NPHP1: variants seen among roughly 807,000 people sequenced by gnomAD.
The protein encoded by NPHP1 is nephrocystin 1.
Under a neutral mutation model 90.4 loss-of-function variants are expected in NPHP1, and 70 were observed. The ratio of observed to expected loss-of-function variants is 0.77; its 90% confidence interval spans 0.64 to 0.95. The LOEUF (loss-of-function observed/expected upper bound fraction) is 0.95, where lower values mean the gene tolerates loss of function less well. NPHP1 is among the 40% of genes least tolerant of loss of function. The pLI, the probability that NPHP1 is intolerant of heterozygous loss-of-function variation, is 0.00. For synonymous variants in NPHP1, 256 were observed against 271.7 expected, an observed-to-expected ratio of 0.94 and a Z score of 0.57; for missense variants, 764 against 795.9, an observed-to-expected ratio of 0.96 and a Z score of 0.48.
chr2:110,126,220 T>C (rs148791805), intron 18 of NPHP1: 2 of 163,540 alleles, frequency 1.2e-5, no homozygotes, highest in East Asian at 1.7e-4. Flanking sequence ...GAAGTATGAA[T>C]TTAAGACTTT....
At chr2:110,190,306 G>A (rs1029906876) in intron 2 of NPHP1, among the ~76,000 whole-genome samples, 2 of 152,160 alleles carry the variant, frequency 1.3e-5, no homozygotes, top group South Asian at 2.1e-4. Flanking sequence ...AGGGAGGCTC[G>A]GGCCGCACAG....
At chr2:110,164,786 TA>T in intron 7 of NPHP1, 56 bp from the exon 8 acceptor site, 3 of 1,409,064 alleles carry the variant, frequency 2.1e-6, no homozygotes, top group Non-Finnish European at 2.0e-6. Context: ...TTCACTCAAT[TA>T]GGGAACTTCT....
At chr2:110,181,873 A>G (rs535905455) in intron 2 of NPHP1, among the ~76,000 whole-genome samples, 3 of 152,318 alleles carry the variant, frequency 2.0e-5, no homozygotes, top group African/African-American at 7.2e-5. Flanking sequence ...AACCCACTGC[A>G]AAGAAGCTAA....
rs537060659 is a variant in NPHP1 at position 110,157,854 on chromosome 2, G to A, written c.1083+2273C>T. Reference sequence around the variant, plus strand: ...TAACTCATTTAATTTCACATTGACCGTTATCAGCTCAAGCAGCACTGTCTT... The same window carrying A: ...TAACTCATTTAATTTCACATTGACCATTATCAGCTCAAGCAGCACTGTCTT... On this transcript the variant is annotated intron_variant, in intron 11 of 19. Transcript: ENST00000445609. 4.6e-5 allele frequency among the ~76,000 whole-genome samples: 7 copies of A among 152,218 alleles called. No homozygotes were observed. In the East Asian group the frequency reaches 5.8e-4, roughly 13 times the overall value.
intron 11 of NPHP1, among the ~76,000 whole-genome samples, chr2:110,154,401 G>A (rs997153921): frequency 6.6e-6 from 1 of 152,158 alleles, no homozygotes; most frequent in African/African-American, 2.4e-5. Flanking sequence ...GGAGTAGGGT[G>A]TTGCTGAAAA....
At chr2:110,136,401 C>A (rs1207865632) in intron 16 of NPHP1, among the ~76,000 whole-genome samples, 1 of 152,156 alleles carries the variant, frequency 6.6e-6, no homozygotes, top group Admixed American at 6.5e-5. Flanking sequence ...TTGCAGATGA[C>A]ATGATTGTAT....
At chr2:110,194,109 A>G (rs1684957629) in intron 2 of NPHP1, among the ~76,000 whole-genome samples, 1 of 152,166 alleles carries the variant, frequency 6.6e-6, no homozygotes, top group Non-Finnish European at 1.5e-5. Flanking sequence ...TGGAGAACCA[A>G]GAGCAAACAC....
intron 13 of NPHP1, among the ~76,000 whole-genome samples, chr2:110,147,283 G>T (rs1681124154): frequency 6.6e-6 from 1 of 151,924 alleles, no homozygotes; most frequent in Non-Finnish European, 1.5e-5. Flanking sequence ...TGGGGGGCCT[G>T]CTCCTTTCCC....
chr2:110,138,598 T>A (rs976693713), intron 16 of NPHP1, among the ~76,000 whole-genome samples: 4 of 152,132 alleles, frequency 2.6e-5, no homozygotes, highest in African/African-American at 4.8e-5. Flanking sequence ...GATCAGGCTC[T>A]GATTCTGGGT....
chr2:110,163,340 A>G (rs1682485566), intron 8 of NPHP1: 3 of 574,400 alleles, frequency 5.2e-6, no homozygotes, highest in Non-Finnish European at 9.4e-6. Flanking sequence ...AGCCCCATAC[A>G]GTGCCCAGCG....
intron 10 of NPHP1, 50 bp from the exon 11 acceptor site, chr2:110,160,305 C>T: frequency 6.9e-7 from 1 of 1,453,000 alleles, no homozygotes; most frequent in Non-Finnish European, 9.6e-7. Context: ...ATTTCTAACA[C>T]AAATCTGTCT....
chr2:110,198,973 G>C (rs1574211144), intron 2 of NPHP1, among the ~76,000 whole-genome samples: 1 of 151,722 alleles, frequency 6.6e-6, no homozygotes, highest in African/African-American at 2.4e-5. Context: ...AAAGGAATCT[G>C]AGCCCAGAGA....
Position 110,164,872 on chromosome 2 carries a change from T to C in NPHP1, c.729-142A>G, listed in dbSNP as rs2271243. On this transcript the variant is annotated intron_variant, in intron 7 of 19. Coordinates refer to ENST00000445609, the MANE Select transcript of NPHP1 (RefSeq NM_001128178.3). Reference sequence around the variant, plus strand: ...CAGATGAAAACGAGGTAGAGCTAAATGTATTAAAAATAATTACAAAACTAA... The same window carrying C: ...CAGATGAAAACGAGGTAGAGCTAAACGTATTAAAAATAATTACAAAACTAA... 31 of 922,214 alleles carry C rather than the reference T, an allele frequency of 3.4e-5. No individual in the cohort carries two copies. The Middle Eastern group carries it at 7.5e-4, about 22-fold the overall frequency. The allele number at this position is 922,214 out of a possible 1,614,324, so 57.1% of individuals were successfully genotyped here.
chr2:110,148,081 T>A, intron 12 of NPHP1, 55 bp from the exon 13 acceptor site: 2 of 1,101,972 alleles, frequency 1.8e-6, no homozygotes, highest in Non-Finnish European at 2.8e-6. Context: ...GGGAAGGGGG[T>A]TTGATGTGGT....
At chr2:110,197,523 G>A (rs1390351436) in intron 2 of NPHP1, among the ~76,000 whole-genome samples, 1 of 152,048 alleles carries the variant, frequency 6.6e-6, no homozygotes, top group Non-Finnish European at 1.5e-5. Flanking sequence ...GGCTGCCAGT[G>A]TAACATAAAA....
intron 2 of NPHP1, chr2:110,184,568 T>C: frequency 7.6e-7 from 1 of 1,310,518 alleles, no homozygotes; most frequent in Non-Finnish European, 1.1e-6. Flanking sequence ...TGCCCATCTA[T>C]CAGGGCTTTG....
chr2:110,142,951 A>C (rs1680760353), intron 16 of NPHP1, among the ~76,000 whole-genome samples: 1 of 152,158 alleles, frequency 6.6e-6, no homozygotes, highest in South Asian at 2.1e-4. Context: ...CAAATGCACT[A>C]GGCTAAGTGA....
At chr2:110,152,458 A>C (rs1681548843) in intron 11 of NPHP1, among the ~76,000 whole-genome samples, 1 of 152,042 alleles carries the variant, frequency 6.6e-6, no homozygotes, top group African/African-American at 2.4e-5. Context: ...TAGAAGAGTA[A>C]AGTGAGACAA....
intron 12 of NPHP1, among the ~76,000 whole-genome samples, chr2:110,148,522 C>A (rs1681234757): frequency 1.3e-5 from 2 of 152,076 alleles, no homozygotes; most frequent in African/African-American, 4.8e-5. Context: ...TAGTTTATGC[C>A]TTTGCATTAT....
Sources: allele counts gnomAD v4.1 joint callset (sites outside exome capture counted in the v4.1 genomes callset), GRCh38; gene constraint gnomAD v4.1.1; transcripts MANE v1.5; gene names NCBI Gene and HGNC (gene_info 2026-07-23, HGNC 2026-07-21).